Variants in FAM135B observed in about 807,000 individuals in gnomAD.
FAM135B encodes protein FAM135B.
Under a neutral mutation model 127.7 loss-of-function variants are expected in FAM135B, and 43 were observed. The ratio of observed to expected loss-of-function variants is 0.34; its 90% CI spans 0.26 to 0.43. The LOEUF (loss-of-function observed/expected upper bound fraction) is 0.43. Among genes scored for constraint, FAM135B ranks in the 20% least tolerant of loss-of-function variants. The probability of loss-of-function intolerance (pLI) is 1.00; values close to 1 mark genes in which losing one functional copy is unlikely to be tolerated. For synonymous variants in FAM135B, 670 were observed against 665.1 expected (o/e 1.01, Z -0.11); for missense variants, 1,558 against 1,725.6 (o/e 0.90, Z 1.72).
chr8:138,193,686 C>T (rs551715918), intron 9 of FAM135B, among the ~76,000 whole-genome samples: 7 of 152,240 alleles, frequency 4.6e-5, no homozygotes, highest in African/African-American at 1.7e-4. Context: ...TGAGGCAGCC[C>T]GAGCCAGCCC....
At chr8:138,313,176 G>A (rs958425310) in intron 2 of FAM135B, among the ~76,000 whole-genome samples, 1 of 152,170 alleles carries the variant, frequency 6.6e-6, no homozygotes, top group Non-Finnish European at 1.5e-5. Context: ...CTGTCACCCA[G>A]GCTGGAGTGC....
intron 1 of FAM135B, among the ~76,000 whole-genome samples, chr8:138,381,595 G>A (rs1317317149): frequency 6.6e-6 from 1 of 152,162 alleles, no homozygotes; most frequent in African/African-American, 2.4e-5. Context: ...CACATCTGTG[G>A]GACAAACAGG....
rs542951454 is a variant in FAM135B at position 138,377,913 on chromosome 8, G to C, written c.-19-9911C>G. On this transcript the variant is annotated intron_variant, in intron 1 of 19. Coordinates refer to ENST00000395297, the MANE Select transcript of FAM135B (RefSeq NM_015912.4). ...TGTTGCCTACCGTGATCACTGCAGGGAATATCTGCTCAGTGTTCCAGGCAA... is the reference window on the plus strand; with the variant it reads ...TGTTGCCTACCGTGATCACTGCAGGCAATATCTGCTCAGTGTTCCAGGCAA... Among the ~76,000 whole-genome samples the C allele has an allele frequency of 1.2e-3, 183 of 152,282 alleles. 3 individuals carry two copies. The highest frequency in any genetic ancestry group is 3.8e-3 in the African/African-American group (158 of 41,554).
intron 9 of FAM135B, among the ~76,000 whole-genome samples, chr8:138,187,500 C>A (rs1815689670): frequency 6.6e-6 from 1 of 152,188 alleles, no homozygotes; most frequent in African/African-American, 2.4e-5. Context: ...ACCTGGTTTG[C>A]CAGAATCTAA....
chr8:138,212,177 C>A (rs1818196037), intron 7 of FAM135B, among the ~76,000 whole-genome samples: 1 of 152,136 alleles, frequency 6.6e-6, no homozygotes, highest in African/African-American at 2.4e-5. Context: ...GAGAGTCTGA[C>A]AAAGGATGGA....
At chr8:138,235,809 G>A (rs1024998817) in intron 7 of FAM135B, among the ~76,000 whole-genome samples, 3 of 152,170 alleles carry the variant, frequency 2.0e-5, no homozygotes, top group Non-Finnish European at 2.9e-5. Flanking sequence ...ACTGTTCTAC[G>A]ATTCTCTGCA....
intron 2 of FAM135B, 47 bp downstream of exon 2, chr8:138,367,860 A>AACAC (rs3084240): frequency 0.02 from 25,267 of 1,238,730 alleles, 225 homozygotes; most frequent in East Asian, 0.14. Context: ...AGAAACAAAC[A>AACAC]ACACACACAC....
chr8:138,196,081 C>T (rs187296660), intron 8 of FAM135B, among the ~76,000 whole-genome samples: 17 of 152,324 alleles, frequency 1.1e-4, no homozygotes, highest in African/African-American at 3.8e-4. Context: ...ACATTAGTCA[C>T]GGCTATGTAT....
At chr8:138,206,436 T>A (rs1817622518) in intron 7 of FAM135B, among the ~76,000 whole-genome samples, 2 of 145,450 alleles carry the variant, frequency 1.4e-5, no homozygotes, top group Non-Finnish European at 3.0e-5. Flanking sequence ...CACAGCTCTA[T>A]CATCCCCTCC....
chr8:138,157,245 AGC>A (rs1818850248), intron 12 of FAM135B, among the ~76,000 whole-genome samples: 13 of 152,344 alleles, frequency 8.5e-5, no homozygotes, highest in Admixed American at 6.5e-4. Flanking sequence ...AAAATTCAAC[AGC>A]ACTTCATGCT....
chr8:138,234,543 A>G (rs1048785807), intron 7 of FAM135B, among the ~76,000 whole-genome samples: 1 of 152,240 alleles, frequency 6.6e-6, no homozygotes, highest in African/African-American at 2.4e-5. Flanking sequence ...ATTCTGTCTT[A>G]ATAAAGAATG....
At chr8:138,199,292 T>C (rs1816919066) in intron 7 of FAM135B, among the ~76,000 whole-genome samples, 1 of 152,164 alleles carries the variant, frequency 6.6e-6, no homozygotes, top group African/African-American at 2.4e-5. Context: ...TTTGAAAACT[T>C]GGATAGAAGT....
chr8:138,211,486 C>G (rs1818138866), intron 7 of FAM135B, among the ~76,000 whole-genome samples: 1 of 152,158 alleles, frequency 6.6e-6, no homozygotes, highest in East Asian at 1.9e-4. Flanking sequence ...TATCAACAAC[C>G]ATGTTACATT....
intron 1 of FAM135B, among the ~76,000 whole-genome samples, chr8:138,425,078 T>C (rs1834763014): frequency 6.6e-6 from 1 of 152,182 alleles, no homozygotes. Flanking sequence ...CATCCTTATC[T>C]TTGACTTAAT....
intron 4 of FAM135B, among the ~76,000 whole-genome samples, chr8:138,258,227 T>G (rs1254177381): frequency 6.6e-6 from 1 of 152,240 alleles, no homozygotes; most frequent in Non-Finnish European, 1.5e-5. Context: ...TTTTGGTTTT[T>G]GTTTCTTTGC....
intron 5 of FAM135B, among the ~76,000 whole-genome samples, chr8:138,255,891 G>A (rs766790363): frequency 6.6e-6 from 1 of 152,216 alleles, no homozygotes; most frequent in South Asian, 2.1e-4. Context: ...GCCTGACCCT[G>A]CAAAGCCTGC....
chr8:138,258,183 G>A (rs868746467), intron 4 of FAM135B, among the ~76,000 whole-genome samples: 7 of 152,070 alleles, frequency 4.6e-5, no homozygotes, highest in Non-Finnish European at 7.4e-5. Flanking sequence ...GCATCTTTGC[G>A]GAATAAATAA....
chr8:138,300,424 GT>G (rs1825802545), intron 3 of FAM135B, among the ~76,000 whole-genome samples: 1 of 152,016 alleles, frequency 6.6e-6, no homozygotes, highest in South Asian at 2.1e-4. Context: ...AATAAAATCT[GT>G]TCCTTTTCAA....
intron 1 of FAM135B, among the ~76,000 whole-genome samples, chr8:138,415,776 A>C (rs1165432648): frequency 6.6e-6 from 1 of 152,204 alleles, no homozygotes; most frequent in Non-Finnish European, 1.5e-5. Flanking sequence ...CCAGCATCTG[A>C]GAATGAATGA....
Sources: gnomAD v4.1 joint callset for allele counts (sites outside exome capture counted in the v4.1 genomes callset) on GRCh38, gnomAD v4.1.1 for gene constraint, MANE v1.5 for transcripts, NCBI Gene and HGNC (gene_info 2026-07-23, HGNC 2026-07-21) for gene names.